Variants in TMPRSS13 observed in about 807,000 individuals in gnomAD.
The protein encoded by TMPRSS13 is transmembrane serine protease 13, also known as transmembrane protease serine 13.
A neutral mutation model predicts 68.4 loss-of-function variants in TMPRSS13; 50 were observed. The ratio of observed to expected loss-of-function variants is 0.73; its 90% CI spans 0.58 to 0.93. The LOEUF (loss-of-function observed/expected upper bound fraction) is 0.93, where lower values mean the gene tolerates loss of function less well. TMPRSS13 is among the 40% of genes least tolerant of loss of function. The pLI is 0.00. For missense variants in TMPRSS13, 615 were observed against 729.2 expected (o/e 0.84, Z 1.80); for synonymous variants, 267 against 285.8 (o/e 0.93, Z 0.66).
At chr11:117,929,222 C>T in intron 1 of TMPRSS13, 65 bp downstream of exon 1, 1 of 1,465,208 alleles carries the variant, frequency 6.8e-7, no homozygotes, top group Non-Finnish European at 9.2e-7. Flanking sequence ...CCACCTGTCT[C>T]CCAGCCTCAG....
chr11:117,903,666 T>A lies in TMPRSS13; in HGVS notation c.1666A>T (p.Ser556Cys). The A allele has an allele frequency of 6.2e-7, 1 of 1,614,196 alleles. No individual in the cohort carries two copies. The highest frequency in any genetic ancestry group is 8.5e-7 in the Non-Finnish European group (1 of 1,180,016). The stretch of plus-strand genomic sequence containing the variant: ...TGCAGGGATCTTACCTCCATCTTGC[T>A]GTAAATCCAGGGAAGAACTTCTGTC... ...KVTEVLPWIYSKMESEVRFRK... is the reference protein window; with the variant it reads ...KVTEVLPWIYCKMESEVRFRK... The change falls in exon 12 of 13, where the codon AGC becomes TGC. Residue 556 changes from serine to cysteine, a missense_variant. Ser to Cys is a moderately radical substitution (Grantham distance 112). Transcript: ENST00000524993.
chr11:117,908,392 A>G (rs1158119083), intron 9 of TMPRSS13: 1 of 616,074 alleles, frequency 1.6e-6, no homozygotes. Context: ...TTGTAATGTG[A>G]GATGTGTCAT....
rs2057416157 is a variant in TMPRSS13 at position 117,902,271 on chromosome 11, G to A, written c.1678-6C>T. On this transcript the variant is annotated splice_region_variant and splice_polypyrimidine_tract_variant and intron_variant, in intron 12 of 12. Transcript: ENST00000524993. ...TTTCTGAATCGCACCTCGCTCTGAG[G>A]AAGAGAATGGGAGAAGAGGGTGAGG... 6.2e-7 allele frequency: 1 copy of A among 1,613,492 alleles called. No homozygotes were observed. The highest frequency in any genetic ancestry group is 1.1e-5 in the South Asian group (1 of 91,080).
chr11:117,917,270 C>T lies in TMPRSS13; in HGVS notation c.456G>A (p.Thr152=), dbSNP rs771944471. ...ATRATRESPG[T]SLPKFTWREG... ...CCCGCCAGGTGAACTTGGGCAGGCT[C>T]GTACCTAGGAGCAGGGCGGCAGCAG... Residue 152 remains threonine, a synonymous_variant, in exon 3 of 13, where the codon ACG becomes ACA. Transcript: ENST00000524993. 22 of 1,611,398 alleles carry T rather than the reference C, an allele frequency of 1.4e-5. No homozygotes were observed. The highest frequency in any genetic ancestry group is 1.6e-4 in the Middle Eastern group (1 of 6,084).
At chr11:117,924,421 G>A (rs112361474) in intron 1 of TMPRSS13, among the ~76,000 whole-genome samples, 7,526 of 152,070 alleles carry the variant, frequency 0.049, 272 homozygotes, top group East Asian at 0.18. Flanking sequence ...AGAGGCCCCC[G>A]TGGCAGCGTC....
rs1391282065 is a variant in TMPRSS13 at position 117,900,825 on chromosome 11, C to T, written c.*1414G>A. The T allele has an allele frequency of 6.6e-6, 1 of 152,276 alleles. No homozygotes were observed. Among genetic ancestry groups the T allele is most frequent in the Non-Finnish European group, 1.5e-5 (1 of 68,082 alleles). The allele number at this position is 152,276 out of a possible 1,614,324, so 9.4% of individuals were successfully genotyped here. A position where few individuals can be genotyped will look rare whatever the true frequency, so the allele number is the denominator to read the frequency against. ...CTTGAGCGGCCATGGCCTGCCTGAGCTGGGCTAGGCTGGGCTGATCTGCTT... is the reference window on the plus strand; with the variant it reads ...CTTGAGCGGCCATGGCCTGCCTGAGTTGGGCTAGGCTGGGCTGATCTGCTT... On this transcript the variant is annotated 3_prime_UTR_variant, in exon 13 of 13. Transcript: ENST00000524993.
rs1480635901 is a variant in TMPRSS13 at position 117,920,816 on chromosome 11, G to GTTTT, written c.22-1979_22-1978insAAAA. ...GCCGATAGTGGGGTTTTGTTTGTTT[G>GTTTT]TTTGTGGGAATGCTGGGCTTGCTAT... On this transcript the variant is annotated intron_variant, in intron 1 of 12. Transcript: ENST00000524993. Among the ~76,000 whole-genome samples, 5 of 152,180 alleles carry GTTTT rather than the reference G, an allele frequency of 3.3e-5. No individual in the cohort carries two copies. In the South Asian group the frequency reaches 8.3e-4, roughly 25 times the overall value.
In TMPRSS13 at chr11:117,922,474, C is replaced by G. The variant is rs185527761; in HGVS notation, c.22-3636G>C. Among the ~76,000 whole-genome samples the G allele has an allele frequency of 6.6e-6, 1 of 152,172 alleles. No individual in the cohort carries two copies. The highest frequency in any genetic ancestry group is 2.4e-5 in the African/African-American group (1 of 41,438). ...GGTCTCGATCTCTTGATCTTGCGCC[C>G]GCCTCAGCCTCCCAAAGTGCTGGGA... On this transcript the variant is annotated intron_variant, in intron 1 of 12. Transcript: ENST00000524993. The surrounding 1 kb of genome is among the most constrained non-coding windows in gnomAD (Gnocchi z 4.2).
At chr11:117,912,797 C>T (rs2057536766) in intron 5 of TMPRSS13, among the ~76,000 whole-genome samples, 1 of 152,210 alleles carries the variant, frequency 6.6e-6, no homozygotes, top group Non-Finnish European at 1.5e-5. Flanking sequence ...CAAGGCTGGG[C>T]TCCTGTCTTA....
intron 1 of TMPRSS13, among the ~76,000 whole-genome samples, chr11:117,926,368 T>C (rs1349146314): frequency 6.6e-6 from 1 of 152,148 alleles, no homozygotes; most frequent in East Asian, 1.9e-4. Context: ...GCAGAGTGAC[T>C]TGACCCGCGG....
chr11:117,903,945 A>C lies in TMPRSS13; in HGVS notation c.1524+14T>G. Reference sequence around the variant, plus strand: ...GGGTGCTGGGACCTGAGCCCCACCCACAGGTACCCTCACCTGGCAGGAGTC... The same window carrying C: ...GGGTGCTGGGACCTGAGCCCCACCCCCAGGTACCCTCACCTGGCAGGAGTC... On this transcript the variant is annotated intron_variant, in intron 11 of 12. Transcript: ENST00000524993. 6.2e-7 allele frequency: 1 copy of C among 1,609,630 alleles called. No individual in the cohort carries two copies. The highest frequency in any genetic ancestry group is 8.5e-7 in the Non-Finnish European group (1 of 1,178,120).
intron 1 of TMPRSS13, among the ~76,000 whole-genome samples, chr11:117,926,923 C>T (rs918815563): frequency 6.6e-6 from 1 of 152,198 alleles, no homozygotes; most frequent in Admixed American, 6.5e-5. Flanking sequence ...ATGAGCCTTA[C>T]TATGGGAAGG....
chr11:117,908,590 C>T (rs80264810), intron 9 of TMPRSS13, 22 bp downstream of exon 9: 131 of 1,549,824 alleles, frequency 8.5e-5, no homozygotes, highest in Middle Eastern at 1.7e-4. Flanking sequence ...GGCAGGAGAG[C>T]GGGGAGTGCA....
At chr11:117,911,392 C>T (rs2134891451) in intron 6 of TMPRSS13, among the ~76,000 whole-genome samples, 1 of 152,224 alleles carries the variant, frequency 6.6e-6, no homozygotes, top group Admixed American at 6.5e-5. Context: ...GCGGCATGTG[C>T]AAAGTGTCAT....
rs769326115 is a variant in TMPRSS13, at chr11:117,917,288, G to A, written c.452-14C>T. ...GCAGGCTCGTACCTAGGAGCAGGGCGGCAGCAGGGGAATATGAGGCTGGAG... is the reference window on the plus strand; with the variant it reads ...GCAGGCTCGTACCTAGGAGCAGGGCAGCAGCAGGGGAATATGAGGCTGGAG... On this transcript the variant is annotated splice_polypyrimidine_tract_variant and intron_variant, in intron 2 of 12. Transcript: ENST00000524993. 24 of 1,602,258 alleles carry A rather than the reference G, an allele frequency of 1.5e-5. No individual in the cohort carries two copies. Among genetic ancestry groups the A allele is most frequent in the Middle Eastern group, 1.7e-4 (1 of 6,040 alleles).
chr11:117,903,771 T>C lies in TMPRSS13; in HGVS notation c.1561A>G (p.Asn521Asp), dbSNP rs1442379086. Residue 521 changes from asparagine (N) to aspartate (D), a missense_variant, in exon 12 of 13, where the codon AAC (asparagine) becomes GAC (aspartate). Transcript: ENST00000524993. ...GTGACACCTGCCAGGTACCAGCGGT[T>C]GTTCTGCTCACAGACAAGAGGCCCC... ...SGGPLVCEQN[N>D]RWYLAGVTSW... The C allele has an allele frequency of 3.1e-6, 5 of 1,612,326 alleles. No homozygotes were observed. The Admixed American group carries it at 8.4e-5, about 27-fold the overall frequency.
intron 10 of TMPRSS13, 71 bp downstream of exon 10, chr11:117,905,566 CT>C: frequency 7.6e-7 from 1 of 1,312,604 alleles, no homozygotes. Context: ...AGACACATTG[CT>C]TACACACGCA....
intron 8 of TMPRSS13, among the ~76,000 whole-genome samples, chr11:117,909,573 C>A (rs549932786): frequency 2.0e-5 from 3 of 152,326 alleles, no homozygotes; most frequent in African/African-American, 2.4e-5. Context: ...CCTCTCTCCC[C>A]CTTGGGGCCG....
In TMPRSS13 at chr11:117,914,471, C is replaced by G. The variant is rs1178057304; in HGVS notation, c.600G>C (p.Gln200His). Residue 200 changes from glutamine (Q) to histidine (H), a missense_variant, in exon 4 of 13, where the codon CAG becomes CAC. Physicochemically the swap from Gln to His is conservative, Grantham distance 24. Coordinates refer to ENST00000524993, the MANE Select transcript of TMPRSS13 (RefSeq NM_001077263.3). The surrounding 1 kb of genome is among the most constrained non-coding windows in gnomAD (Gnocchi z 4.2). ...CAGCGTGCTTGGGACAGCTCTCCCT[C>G]TGCTCCTTGTACCTGATCCCTGTGT... ...QGHTGIRYKE[Q>H]RESCPKHAVR... 6.2e-7 allele frequency: 1 copy of G among 1,614,118 alleles called. No homozygotes were observed. The highest frequency in any genetic ancestry group is 8.5e-7 in the Non-Finnish European group (1 of 1,180,020).
Sources: allele counts gnomAD v4.1 joint callset (sites outside exome capture counted in the v4.1 genomes callset), GRCh38; gene constraint gnomAD v4.1.1; non-coding constraint Gnocchi (gnomAD v3.1); transcripts MANE v1.5; gene names NCBI Gene and HGNC (gene_info 2026-07-23, HGNC 2026-07-21).